MYH15: variants seen among roughly 807,000 people sequenced by gnomAD.
The protein encoded by MYH15 is myosin-15.
Under a neutral mutation model 240.5 loss-of-function variants are expected in MYH15, and 227 were observed. That is an observed-to-expected ratio of 0.94 (90% CI 0.85 to 1.05). The LOEUF (loss-of-function observed/expected upper bound fraction) is 1.05. MYH15 is among the 50% of genes least tolerant of loss of function. The probability of loss-of-function intolerance (pLI) is 0.00; values close to 1 mark genes in which losing one functional copy is unlikely to be tolerated. For missense variants in MYH15, 2,217 were observed against 2,247.5 expected, an observed-to-expected ratio of 0.99 and a Z score of 0.27; for synonymous variants, 785 against 796.7, an observed-to-expected ratio of 0.99 and a Z score of 0.25.
chr3:108,404,557 A>G (rs6437781), intron 33 of MYH15, among the ~76,000 whole-genome samples: 111,444 of 152,112 alleles, frequency 0.73, 41,174 homozygotes, highest in East Asian at 0.99. Context: ...ACATGTAGGG[A>G]CTGCTTTTAT....
At chr3:108,471,064 G>GGAAGGAGGAAGA (rs1553770224) in intron 12 of MYH15, among the ~76,000 whole-genome samples, 2 of 97,654 alleles carry the variant, frequency 2.0e-5, no homozygotes. Context: ...AGGAAGGAAG[G>GGAAGGAGGAAGA]GAGGGAGGGA....
intron 7 of MYH15, 149 bp downstream of exon 7, chr3:108,495,631 A>T: frequency 2.0e-6 from 1 of 489,382 alleles, no homozygotes. Context: ...ATAGATAGTA[A>T]TTTTTTTTGA....
At chr3:108,396,425 C>A (rs2082461414) in intron 35 of MYH15, among the ~76,000 whole-genome samples, 1 of 152,184 alleles carries the variant, frequency 6.6e-6, no homozygotes, top group African/African-American at 2.4e-5. Flanking sequence ...ATGCAACCTA[C>A]ATCTCTCACA....
intron 27 of MYH15, among the ~76,000 whole-genome samples, chr3:108,426,117 T>C (rs2107558348): frequency 6.7e-6 from 1 of 150,058 alleles, no homozygotes; most frequent in Non-Finnish European, 1.5e-5. Context: ...GAAATAAAGA[T>C]GAAATGTATA....
rs1474265922 is a variant in MYH15 at position 108,441,410 on chromosome 3, C to T, written c.2656-150G>A. ...TTCCTAAACAGCTGCAATAATATTC[C>T]CAGGTCCCTGATCCGATCACTGAGA... On this transcript the variant is annotated intron_variant, in intron 22 of 40. Coordinates refer to ENST00000693548, the MANE Select transcript of MYH15 (RefSeq NM_014981.3). 4 of 886,162 alleles carry T rather than the reference C, an allele frequency of 4.5e-6. No individual in the cohort carries two copies. In the Admixed American group the frequency reaches 1.1e-4, roughly 23 times the overall value. 54.9% of individuals were successfully genotyped at this position (886,162 alleles called of 1,614,324 possible). A position where few individuals can be genotyped will look rare whatever the true frequency, so the allele number is the denominator to read the frequency against.
chr3:108,534,962 T>G, the MYH15 span, among the ~76,000 whole-genome samples: 3 of 152,132 alleles, frequency 2.0e-5, 1 homozygote, highest in South Asian at 4.1e-4. Context: ...TGCTTGGTAT[T>G]TCAGTTCTTC....
chr3:108,446,559 C>A (rs1261312108), intron 21 of MYH15, among the ~76,000 whole-genome samples: 3 of 152,130 alleles, frequency 2.0e-5, no homozygotes, highest in African/African-American at 7.2e-5. Context: ...AAAATGACAC[C>A]ACCAAAGGAA....
At chr3:108,486,729 G>C (rs2083308917) in intron 9 of MYH15, among the ~76,000 whole-genome samples, 1 of 152,052 alleles carries the variant, frequency 6.6e-6, no homozygotes, top group Non-Finnish European at 1.5e-5. Flanking sequence ...TGCCTCCCAA[G>C]AGAAGACAGG....
At chr3:108,443,972 G>A (rs2082905771) in intron 22 of MYH15, among the ~76,000 whole-genome samples, 1 of 107,316 alleles carries the variant, frequency 9.3e-6, no homozygotes, top group Non-Finnish European at 1.8e-5. Context: ...CACAGGAAGG[G>A]GAACATCACA....
Position 108,455,868 on chromosome 3 carries a change from A to C in MYH15, c.2139-9T>G, listed in dbSNP as rs761796458. ...GATTCAGAATGCAGTACCTAATTTA[A>C]AATAAAGAAAAAATCATGAGTTTGG... is the stretch of plus-strand genomic sequence containing the variant. On this transcript the variant is annotated splice_polypyrimidine_tract_variant and intron_variant, in intron 19 of 40. Coordinates refer to ENST00000693548, the MANE Select transcript of MYH15 (RefSeq NM_014981.3). 1.8e-5 allele frequency: 29 copies of C among 1,607,392 alleles called. No individual in the cohort carries two copies. The South Asian group carries it at 3.2e-4, about 18-fold the overall frequency.
At chr3:108,384,921 A>G in intron 38 of MYH15, 139 bp from the exon 39 acceptor site, 1 of 691,066 alleles carries the variant, frequency 1.4e-6, no homozygotes, top group Non-Finnish European at 2.4e-6. Flanking sequence ...AATGGGTTTA[A>G]CTCACCCAAG....
chr3:108,456,498 A>C (rs6799934), intron 19 of MYH15, among the ~76,000 whole-genome samples: 7,341 of 152,168 alleles, frequency 0.048, 595 homozygotes, highest in African/African-American at 0.17. Context: ...TTCAGCCTCC[A>C]TATGTTTCTT....
intron 9 of MYH15, among the ~76,000 whole-genome samples, chr3:108,486,929 T>C (rs2083310551): frequency 6.6e-6 from 1 of 152,196 alleles, no homozygotes; most frequent in African/African-American, 2.4e-5. Context: ...AAATTATAAG[T>C]AGAACAGACC....
At chr3:108,522,731 G>A (rs893209041) in intron 1 of MYH15, among the ~76,000 whole-genome samples, 3 of 151,942 alleles carry the variant, frequency 2.0e-5, no homozygotes, top group East Asian at 1.9e-4. Context: ...GTTTTATAGC[G>A]TTTACTATAC....
At chr3:108,535,838 C>A in the MYH15 span, among the ~76,000 whole-genome samples, 2 of 152,288 alleles carry the variant, frequency 1.3e-5, no homozygotes, top group African/African-American at 4.8e-5. Flanking sequence ...ACACACACAT[C>A]CAACTCTGGC....
chr3:108,476,569 T>G, intron 11 of MYH15, 54 bp from the exon 12 acceptor site: 1 of 1,176,800 alleles, frequency 8.5e-7, no homozygotes, highest in Non-Finnish European at 1.3e-6. Context: ...CTGTTAAGAT[T>G]CATTCCATTA....
chr3:108,415,714 G>A (rs1349030598), intron 29 of MYH15, among the ~76,000 whole-genome samples: 1 of 152,086 alleles, frequency 6.6e-6, no homozygotes, highest in African/African-American at 2.4e-5. Flanking sequence ...TTTAAGCAAC[G>A]GGAAGGGCAG....
Position 108,505,830 on chromosome 3 carries a change from C to T in MYH15, c.89-1G>A. The T allele has an allele frequency of 1.3e-6, 2 of 1,574,738 alleles. No individual in the cohort carries two copies. Among genetic ancestry groups the T allele is most frequent in the South Asian group, 1.2e-5 (1 of 86,086 alleles). On this transcript the variant is annotated splice_acceptor_variant, in intron 1 of 40. Transcript: ENST00000693548. LOFTEE classifies it high-confidence loss of function. ...TCAGGAATCCAGCATTTCTTCTTCC[C>T]TGTAGAGCAAAAAAAAAAAAAAATG...
rs780808814 is a variant in MYH15 at position 108,492,489 on chromosome 3, C to T, written c.871+11G>A. Reference sequence around the variant, plus strand: ...TTGGAATAACCCTAAGCTCCAGAATCCTACACTTACCATGAAGCTCTTTTT... The same window carrying T: ...TTGGAATAACCCTAAGCTCCAGAATTCTACACTTACCATGAAGCTCTTTTT... On this transcript the variant is annotated intron_variant, in intron 9 of 40. Transcript: ENST00000693548. 3 of 1,588,776 alleles carry T rather than the reference C, an allele frequency of 1.9e-6. No individual in the cohort carries two copies. The South Asian group carries it at 3.3e-5, about 18-fold the overall frequency.
Sources: allele counts gnomAD v4.1 joint callset (sites outside exome capture counted in the v4.1 genomes callset), GRCh38; gene constraint gnomAD v4.1.1; transcripts MANE v1.5; gene names NCBI Gene and HGNC (gene_info 2026-07-23, HGNC 2026-07-21).